Variants in PRR5L observed in about 807,000 individuals in gnomAD.
The protein encoded by PRR5L is proline rich 5 like.
PRR5L carries 21 observed loss-of-function variants against 36.4 expected under a neutral mutation model. The ratio of observed to expected loss-of-function variants is 0.58; its 90% CI spans 0.41 to 0.83. The LOEUF (loss-of-function observed/expected upper bound fraction) is 0.83. PRR5L is among the 40% of genes least tolerant of loss of function. The pLI is 0.00. For synonymous variants in PRR5L, 188 were observed against 197.0 expected, an observed-to-expected ratio of 0.95 and a Z score of 0.38; for missense variants, 381 against 473.3, an observed-to-expected ratio of 0.80 and a Z score of 1.81.
chr11:36,319,989 A>G (rs1230771159), intron 1 of PRR5L, among the ~76,000 whole-genome samples: 1 of 152,156 alleles, frequency 6.6e-6, no homozygotes, highest in Non-Finnish European at 1.5e-5. Context: ...CTCTATTAAG[A>G]CAAACAGGTA....
At chr11:36,404,290 T>TA (rs1857865047) in intron 3 of PRR5L, among the ~76,000 whole-genome samples, 1 of 149,532 alleles carries the variant, frequency 6.7e-6, no homozygotes. Flanking sequence ...TTTTTTTTTT[T>TA]AAACGGAGTC....
Position 36,351,005 on chromosome 11 carries a change from T to TATAG in PRR5L, c.-125-49992_-125-49991insATAG, listed in dbSNP as rs1565406678. Among the ~76,000 whole-genome samples, 28 of 102,154 alleles carry TATAG rather than the reference T, an allele frequency of 2.7e-4. 1 individual carries two copies. The highest frequency in any genetic ancestry group is 5.5e-4 in the Admixed American group (4 of 7,240). The allele number at this position is 102,154 out of a possible 152,430, so 67.0% of individuals were successfully genotyped here. On this transcript the variant is annotated intron_variant, in intron 1 of 8. Transcript: ENST00000530639. ...TTATATATTTATATATTTATATATA[T>TATAG]TTATATAGTTATATATTTATATATT...
At chr11:36,409,685 C>T (rs941292015) in intron 3 of PRR5L, among the ~76,000 whole-genome samples, 6 of 152,140 alleles carry the variant, frequency 3.9e-5, no homozygotes, top group African/African-American at 7.2e-5. Context: ...CCTGATGCCA[C>T]GAGGTAATGA....
rs1035594402 is a variant in PRR5L, at chr11:36,348,965, A to G, written c.-125-52032A>G. ...ATGTTCAGGGTACATTTGATGTAAA[A>G]TGTCCTTAGCATCCCTCGCTGAAAA... is the stretch of plus-strand genomic sequence containing the variant. On this transcript the variant is annotated intron_variant, in intron 1 of 8. Coordinates refer to ENST00000530639, the MANE Select transcript of PRR5L (RefSeq NM_001160167.2). 5.3e-5 allele frequency among the ~76,000 whole-genome samples: 8 copies of G among 152,160 alleles called. No individual in the cohort carries two copies. In the East Asian group the frequency reaches 1.5e-3, roughly 29 times the overall value.
At chr11:36,338,656 A>C (rs1856790366) in intron 1 of PRR5L, among the ~76,000 whole-genome samples, 1 of 152,148 alleles carries the variant, frequency 6.6e-6, no homozygotes, top group Non-Finnish European at 1.5e-5. Flanking sequence ...CACATGTGAC[A>C]TCATGCTCTG....
intron 6 of PRR5L, among the ~76,000 whole-genome samples, chr11:36,438,818 T>TC (rs1858659730): frequency 6.6e-6 from 1 of 151,802 alleles, no homozygotes; most frequent in African/African-American, 2.4e-5. Flanking sequence ...GTCTGTAGTC[T>TC]CAGGTACTAG....
intron 1 of PRR5L, among the ~76,000 whole-genome samples, chr11:36,397,270 TG>T (rs1485233211): frequency 1.3e-5 from 2 of 151,370 alleles, no homozygotes; most frequent in Non-Finnish European, 2.9e-5. Context: ...TTCACCGTGT[TG>T]GTCAGTCTGA....
chr11:36,371,376 T>G (rs1374755200), intron 1 of PRR5L, among the ~76,000 whole-genome samples: 1 of 152,208 alleles, frequency 6.6e-6, no homozygotes, highest in Non-Finnish European at 1.5e-5. Context: ...GATAGTATAG[T>G]GCTGTGGTGG....
At chr11:36,352,701 T>C (rs1026100062) in intron 1 of PRR5L, among the ~76,000 whole-genome samples, 1 of 152,174 alleles carries the variant, frequency 6.6e-6, no homozygotes, top group South Asian at 2.1e-4. Context: ...CAGGTTACAG[T>C]ACTTGGCACT....
chr11:36,461,615 CTG>C (rs1859182035), intron 8 of PRR5L, among the ~76,000 whole-genome samples: 2 of 41,100 alleles, frequency 4.9e-5, no homozygotes, highest in Admixed American at 7.2e-4. Flanking sequence ...AAGAGCAAAA[CTG>C]TCTCAAAAAA....
intron 1 of PRR5L, chr11:36,349,972 T>C (rs530150722): frequency 2.7e-4 from 41 of 152,136 alleles, no homozygotes; most frequent in African/African-American, 9.4e-4. Context: ...CTGGGGAGGA[T>C]GAGAAGCTCT....
intron 1 of PRR5L, among the ~76,000 whole-genome samples, chr11:36,358,623 T>C (rs768408238): frequency 5.3e-5 from 8 of 152,256 alleles, no homozygotes; most frequent in African/African-American, 9.6e-5. Context: ...TTATTCACTT[T>C]ATTGCTATGG....
At chr11:36,418,371 G>T (rs1158795877) in intron 3 of PRR5L, among the ~76,000 whole-genome samples, 1 of 152,160 alleles carries the variant, frequency 6.6e-6, no homozygotes, top group Non-Finnish European at 1.5e-5. Flanking sequence ...TTCTGGATTT[G>T]GAGGAGAGAC....
intron 1 of PRR5L, among the ~76,000 whole-genome samples, chr11:36,311,806 A>C (rs1302209862): frequency 6.6e-6 from 1 of 152,192 alleles, no homozygotes; most frequent in Non-Finnish European, 1.5e-5. Context: ...TAGCCAATTG[A>C]GGTATATATT....
At chr11:36,409,321 G>A (rs749395377) in intron 3 of PRR5L, among the ~76,000 whole-genome samples, 71 of 152,160 alleles carry the variant, frequency 4.7e-4, no homozygotes, top group Non-Finnish European at 9.7e-4. Context: ...TCAGTTATCT[G>A]CAGCCGGCCT....
chr11:36,308,085 C>A (rs2133452762), intron 1 of PRR5L, among the ~76,000 whole-genome samples: 1 of 152,254 alleles, frequency 6.6e-6, no homozygotes, highest in East Asian at 1.9e-4. Flanking sequence ...TCATTGTCCC[C>A]TGAGGGGGAA....
At chr11:36,419,664 A>G (rs1222337994) in intron 4 of PRR5L, among the ~76,000 whole-genome samples, 1 of 152,234 alleles carries the variant, frequency 6.6e-6, no homozygotes, top group Non-Finnish European at 1.5e-5. Flanking sequence ...ACTAGTGCTA[A>G]TTACATTTTT....
intron 1 of PRR5L, among the ~76,000 whole-genome samples, chr11:36,307,954 A>G (rs1856452548): frequency 6.6e-6 from 1 of 152,148 alleles, no homozygotes; most frequent in Non-Finnish European, 1.5e-5. Context: ...ACTTTCCCCC[A>G]CAGGCACACT....
At chr11:36,308,615 G>T (rs745480862) in intron 1 of PRR5L, among the ~76,000 whole-genome samples, 2 of 152,188 alleles carry the variant, frequency 1.3e-5, no homozygotes, top group Admixed American at 6.5e-5. Flanking sequence ...ACCTCCCTTC[G>T]TGGGAATCAC....
Sources: gnomAD v4.1 joint callset for allele counts (sites outside exome capture counted in the v4.1 genomes callset) on GRCh38, gnomAD v4.1.1 for gene constraint, MANE v1.5 for transcripts, NCBI Gene and HGNC (gene_info 2026-07-23, HGNC 2026-07-21) for gene names.